KAZN: variants seen among roughly 807,000 people sequenced by gnomAD.
The protein encoded by KAZN is kazrin.
A neutral mutation model predicts 87.4 loss-of-function variants in KAZN; 40 were observed. The observed-to-expected ratio is 0.46, with a 90% CI of 0.36 to 0.60. The LOEUF (loss-of-function observed/expected upper bound fraction) is 0.60. KAZN is among the 20% of genes least tolerant of loss of function. The probability of loss-of-function intolerance (pLI) is 0.00; values close to 1 mark genes in which losing one functional copy is unlikely to be tolerated. For synonymous variants in KAZN, 466 were observed against 458.3 expected (o/e 1.02, Z -0.22); for missense variants, 898 against 1,073.9 (o/e 0.84, Z 2.29).
At chr1:14,946,687 A>G (rs559453836) in intron 1 of KAZN, among the ~76,000 whole-genome samples, 23 of 152,144 alleles carry the variant, frequency 1.5e-4, no homozygotes, top group Non-Finnish European at 3.2e-4. Flanking sequence ...GCCCCCGTTC[A>G]CCTACTTCTC....
intron 1 of KAZN, among the ~76,000 whole-genome samples, chr1:14,777,468 G>T (rs1186349765): frequency 6.6e-6 from 1 of 152,130 alleles, no homozygotes; most frequent in Non-Finnish European, 1.5e-5. Context: ...TCCTCATGCT[G>T]CCAGGATCAA....
chr1:14,193,223 T>G (rs1035999921), intron 2 of KAZN, among the ~76,000 whole-genome samples: 1 of 152,196 alleles, frequency 6.6e-6, no homozygotes, highest in Non-Finnish European at 1.5e-5. Flanking sequence ...GTGAGTCAAT[T>G]AACCTCTTTC....
intron 1 of KAZN, among the ~76,000 whole-genome samples, chr1:13,944,023 A>G (rs1271879234): frequency 2.6e-5 from 4 of 152,202 alleles, no homozygotes; most frequent in Non-Finnish European, 5.9e-5. Flanking sequence ...ACCTCTGGCT[A>G]TCTACCCAAG....
At chr1:14,696,610 G>A (rs985094086) in intron 1 of KAZN, among the ~76,000 whole-genome samples, 3 of 152,224 alleles carry the variant, frequency 2.0e-5, no homozygotes, top group East Asian at 1.9e-4. Context: ...TTTACAGCAA[G>A]AGCATCCCCA....
intron 1 of KAZN, among the ~76,000 whole-genome samples, chr1:14,910,037 T>G (rs1178484375): frequency 6.6e-6 from 1 of 151,456 alleles, no homozygotes; most frequent in African/African-American, 2.4e-5. Flanking sequence ...GGCGACAGAG[T>G]AAGACCTTGT....
chr1:14,933,037 G>A (rs10803323), intron 1 of KAZN, among the ~76,000 whole-genome samples: 14,464 of 152,076 alleles, frequency 0.095, 2,206 homozygotes, highest in African/African-American at 0.32. Context: ...GTGTTGGCCT[G>A]TTCCAGGTAC....
chr1:14,696,397 A>G (rs1641604360), intron 1 of KAZN, among the ~76,000 whole-genome samples: 1 of 152,172 alleles, frequency 6.6e-6, no homozygotes, highest in African/African-American at 2.4e-5. Flanking sequence ...CCCAGTGAGG[A>G]GGTGGGAAAC....
intron 1 of KAZN, among the ~76,000 whole-genome samples, chr1:14,885,684 G>C (rs1211985138): frequency 6.6e-6 from 1 of 151,976 alleles, no homozygotes; most frequent in Admixed American, 6.6e-5. Context: ...GCAGTACCGT[G>C]TAAGCAAGTC....
At chr1:14,319,011 TTTA>T (rs530894439) in intron 2 of KAZN, among the ~76,000 whole-genome samples, 2 of 934 alleles carry the variant, frequency 2.1e-3, no homozygotes, top group African/African-American at 4.0e-3. Context: ...ACCTTTTATT[TTTA>T]TTTATTTATT....
intron 14 of KAZN, chr1:15,113,077 T>G (rs1641710514): frequency 6.5e-6 from 1 of 153,734 alleles, no homozygotes; most frequent in Non-Finnish European, 1.4e-5. Context: ...CACAGATTCC[T>G]CAATGGAAAT....
At chr1:14,152,793 T>A (rs1266418677) in intron 1 of KAZN, among the ~76,000 whole-genome samples, 2 of 152,218 alleles carry the variant, frequency 1.3e-5, no homozygotes, top group Non-Finnish European at 2.9e-5. Flanking sequence ...TTGTACTAAT[T>A]TATATTCCCA....
intron 1 of KAZN, among the ~76,000 whole-genome samples, chr1:13,907,072 G>A (rs913187014): frequency 2.0e-5 from 3 of 152,190 alleles, no homozygotes; most frequent in African/African-American, 7.2e-5. Flanking sequence ...ATCTATGTGG[G>A]TGATTTTTGT....
intron 2 of KAZN, among the ~76,000 whole-genome samples, chr1:14,456,015 G>C (rs991472219): frequency 6.6e-6 from 1 of 152,166 alleles, no homozygotes; most frequent in Non-Finnish European, 1.5e-5. Context: ...CTGAATATTG[G>C]TGCTGACTCA....
chr1:14,847,475 C>G (rs2100962930), intron 1 of KAZN, among the ~76,000 whole-genome samples: 1 of 152,314 alleles, frequency 6.6e-6, no homozygotes, highest in East Asian at 1.9e-4. Context: ...GAGGTGCCTG[C>G]TGTTTTGACT....
intron 2 of KAZN, among the ~76,000 whole-genome samples, chr1:14,509,571 T>C (rs1291059194): frequency 2.0e-5 from 3 of 152,168 alleles, no homozygotes; most frequent in African/African-American, 7.2e-5. Context: ...AAAGATTAAA[T>C]TTCATTCTAA....
intron 1 of KAZN, among the ~76,000 whole-genome samples, chr1:14,864,340 G>A (rs1057000372): frequency 5.9e-5 from 9 of 152,220 alleles, no homozygotes; most frequent in East Asian, 1.9e-4. Context: ...CAAGGCGGGC[G>A]GATCACATGG....
chr1:14,714,785 TC>T (rs1642692553), intron 1 of KAZN, among the ~76,000 whole-genome samples: 1 of 144,674 alleles, frequency 6.9e-6, no homozygotes, highest in Admixed American at 7.0e-5. Context: ...TTTTTCTTTT[TC>T]TTTTTTTTTT....
intron 1 of KAZN, among the ~76,000 whole-genome samples, chr1:14,052,442 A>G (rs997369431): frequency 6.6e-6 from 1 of 152,216 alleles, no homozygotes; most frequent in Non-Finnish European, 1.5e-5. Context: ...TGCTACACCA[A>G]GCCATGCAGG....
chr1:14,615,363 A>G (rs1678151188), intron 1 of KAZN, among the ~76,000 whole-genome samples: 1 of 152,166 alleles, frequency 6.6e-6, no homozygotes, highest in African/African-American at 2.4e-5. Flanking sequence ...GGTGGCGCTC[A>G]ACACCTGTAA....
Sources: gnomAD v4.1 joint callset for allele counts (sites outside exome capture counted in the v4.1 genomes callset) on GRCh38, gnomAD v4.1.1 for gene constraint, MANE v1.5 for transcripts, NCBI Gene and HGNC (gene_info 2026-07-23, HGNC 2026-07-21) for gene names.